GLT1D1: variants seen among roughly 807,000 people sequenced by gnomAD.
The protein encoded by GLT1D1 is glycosyltransferase 1 domain containing 1.
GLT1D1 carries 21 observed loss-of-function variants against 28.7 expected under a neutral mutation model. The observed-to-expected ratio is 0.73, with a 90% CI of 0.52 to 1.05. GLT1D1 has a LOEUF of 1.05. Ranked by LOEUF, GLT1D1 falls within the 50% of genes least tolerant of loss-of-function variation. GLT1D1 has a pLI of 0.00. For synonymous variants in GLT1D1, 147 were observed against 124.8 expected, an observed-to-expected ratio of 1.18 and a Z score of -1.19; for missense variants, 343 against 330.6, an observed-to-expected ratio of 1.04 and a Z score of -0.29.
chr12:128,943,340 T>C (rs891833296), intron 4 of GLT1D1, among the ~76,000 whole-genome samples: 4 of 151,962 alleles, frequency 2.6e-5, no homozygotes, highest in Admixed American at 1.3e-4. Context: ...GTGCCACAGG[T>C]TTTCTCTTTT....
chr12:128,957,118 A>G (rs1877390228), intron 6 of GLT1D1, among the ~76,000 whole-genome samples: 1 of 152,180 alleles, frequency 6.6e-6, no homozygotes, highest in Admixed American at 6.5e-5. Flanking sequence ...TTTTGTCTGC[A>G]TGTCAGAGAG....
At chr12:128,897,793 C>T (rs919160329) in intron 3 of GLT1D1, among the ~76,000 whole-genome samples, 1 of 151,722 alleles carries the variant, frequency 6.6e-6, no homozygotes, top group South Asian at 2.1e-4. Flanking sequence ...CTCAGCCTCC[C>T]GAGTAGCTGG....
At chr12:128,858,341 T>G (rs891822091) in intron 1 of GLT1D1, among the ~76,000 whole-genome samples, 1 of 152,212 alleles carries the variant, frequency 6.6e-6, no homozygotes, top group Non-Finnish European at 1.5e-5. Flanking sequence ...GAAATGGCCC[T>G]GCAGAGCCAT....
At chr12:128,882,769 A>G (rs1162425889) in intron 2 of GLT1D1, among the ~76,000 whole-genome samples, 2 of 152,092 alleles carry the variant, frequency 1.3e-5, no homozygotes, top group African/African-American at 4.8e-5. Context: ...CTTAACTTAG[A>G]TGGAATGGAA....
At chr12:128,964,994 G>A (rs140207062) in intron 7 of GLT1D1, among the ~76,000 whole-genome samples, 107 of 152,332 alleles carry the variant, frequency 7.0e-4, no homozygotes, top group African/African-American at 2.5e-3. Context: ...GAACTCAGAT[G>A]TAAGGAGCAT....
chr12:128,873,891 T>TCTC (rs1342292479), intron 1 of GLT1D1, among the ~76,000 whole-genome samples: 6,409 of 127,358 alleles, frequency 0.05, 236 homozygotes, highest in Middle Eastern at 0.1. Flanking sequence ...TCCTCTCTCT[T>TCTC]GCTCCCTTTC....
rs551708851 is a variant in GLT1D1, at chr12:128,897,832, C to A, written c.324-1404C>A. Among the ~76,000 whole-genome samples, 4 of 152,102 alleles carry A rather than the reference C, an allele frequency of 2.6e-5. No homozygotes were observed. In the South Asian group the frequency reaches 6.3e-4, roughly 24 times the overall value. ...TACAGGCGCCCGCCACCATGCCCGG[C>A]TAATTTTTTGTATTTTTAGTAGAGA... On this transcript the variant is annotated intron_variant, in intron 3 of 7. Transcript: ENST00000281703.
At chr12:128,882,567 C>T (rs1405694872) in intron 2 of GLT1D1, among the ~76,000 whole-genome samples, 2 of 152,164 alleles carry the variant, frequency 1.3e-5, no homozygotes, top group Non-Finnish European at 2.9e-5. Context: ...GTGTGAGCCA[C>T]CACACCCAGC....
chr12:128,894,252 T>C (rs1409477101), intron 3 of GLT1D1, among the ~76,000 whole-genome samples: 3 of 152,040 alleles, frequency 2.0e-5, no homozygotes, highest in Non-Finnish European at 4.4e-5. Context: ...GGACCTGTGA[T>C]GGAATGTGCC....
In GLT1D1 at chr12:128,875,054, TTG is replaced by T. The variant is rs376956933; in HGVS notation, c.69-824_69-823del. ...GAGACATGTTTGAAAGACATAAATA[TTG>T]TGTGTGTGTGTGTGTGTGTGTGTGT... On this transcript the variant is annotated intron_variant, in intron 1 of 7. Coordinates refer to ENST00000281703, the MANE Select transcript of GLT1D1 (RefSeq NM_144669.3). Among the ~76,000 whole-genome samples, 1,242 of 143,550 alleles carry T rather than the reference TTG, an allele frequency of 8.7e-3. 3 individuals carry two copies. Among genetic ancestry groups the T allele is most frequent in the East Asian group, 0.036 (178 of 4,950 alleles). 94.2% of individuals were successfully genotyped at this position (143,550 alleles called of 152,430 possible).
chr12:128,875,847 A>G (rs1027221812), intron 1 of GLT1D1, 67 bp from the exon 2 acceptor site: 39 of 1,379,284 alleles, frequency 2.8e-5, no homozygotes, highest in Middle Eastern at 1.8e-4. Context: ...TCTTAACTGT[A>G]GCAGCAACCT....
At chr12:128,906,715 C>CTT (rs1004208679) in intron 4 of GLT1D1, among the ~76,000 whole-genome samples, 1 of 137,362 alleles carries the variant, frequency 7.3e-6, no homozygotes. Flanking sequence ...TGAGGTTTTT[C>CTT]TTTTTTTTTT....
At chr12:128,942,741 TTG>T in intron 4 of GLT1D1, among the ~76,000 whole-genome samples, 1 of 95,774 alleles carries the variant, frequency 1.0e-5, no homozygotes, top group Non-Finnish European at 2.0e-5. Flanking sequence ...CTTTGTTTGT[TTG>T]TTTTTGTTTT....
chr12:128,894,486 C>T (rs1278117354), intron 3 of GLT1D1, among the ~76,000 whole-genome samples: 1 of 152,060 alleles, frequency 6.6e-6, no homozygotes, highest in South Asian at 2.1e-4. Context: ...TGGAATTCTA[C>T]CTTACGGAAG....
intron 4 of GLT1D1, among the ~76,000 whole-genome samples, chr12:128,901,563 A>G (rs1870267200): frequency 6.6e-6 from 1 of 151,674 alleles, no homozygotes; most frequent in Non-Finnish European, 1.5e-5. Flanking sequence ...CAGCCTCCCA[A>G]GTAGCTGGGA....
At chr12:128,867,714 T>G (rs1258665165) in intron 1 of GLT1D1, among the ~76,000 whole-genome samples, 4 of 152,312 alleles carry the variant, frequency 2.6e-5, no homozygotes, top group Non-Finnish European at 5.9e-5. Flanking sequence ...TTGTTCCAGA[T>G]GCTCACACGC....
chr12:128,946,182 C>A (rs576552635), intron 5 of GLT1D1, among the ~76,000 whole-genome samples: 26 of 152,252 alleles, frequency 1.7e-4, no homozygotes, highest in African/African-American at 5.5e-4. Flanking sequence ...GAGTGGTGGC[C>A]AGCGGTGGGG....
At chr12:128,961,783 G>A (rs1421053502) in intron 7 of GLT1D1, among the ~76,000 whole-genome samples, 1 of 152,140 alleles carries the variant, frequency 6.6e-6, no homozygotes, top group African/African-American at 2.4e-5. Context: ...CAGCCTCATA[G>A]ACACACCCAG....
At chr12:128,979,689 G>T (rs1205871234) in intron 7 of GLT1D1, among the ~76,000 whole-genome samples, 4 of 152,066 alleles carry the variant, frequency 2.6e-5, no homozygotes, top group African/African-American at 7.2e-5. Context: ...GGAGGCTGAG[G>T]CTGCAGTGAG....
Sources: allele counts gnomAD v4.1 joint callset (sites outside exome capture counted in the v4.1 genomes callset), GRCh38; gene constraint gnomAD v4.1.1; transcripts MANE v1.5; gene names NCBI Gene and HGNC (gene_info 2026-07-23, HGNC 2026-07-21).